The following CNPY1 variants were observed in gnomAD, a reference collection of about 807,000 sequenced individuals.
CNPY1 encodes canopy FGF signaling regulator 1, also known as protein canopy homolog 1.
A neutral mutation model predicts 14.4 loss-of-function variants in CNPY1; 14 were observed. The ratio of observed to expected loss-of-function variants is 0.97; its 90% CI spans 0.64 to 1.52. The LOEUF (loss-of-function observed/expected upper bound fraction) is 1.52. Among genes scored for constraint, CNPY1 ranks in the 40% most tolerant of loss-of-function variants. The probability of loss-of-function intolerance (pLI) is 0.00; values close to 1 mark genes in which losing one functional copy is unlikely to be tolerated. For missense variants in CNPY1, 129 were observed against 131.5 expected, an observed-to-expected ratio of 0.98 and a Z score of 0.09; for synonymous variants, 43 against 46.5, an observed-to-expected ratio of 0.92 and a Z score of 0.31.
intron 2 of CNPY1, among the ~76,000 whole-genome samples, chr7:155,542,060 T>G (rs1014444670): frequency 6.6e-6 from 1 of 152,112 alleles, no homozygotes; most frequent in Non-Finnish European, 1.5e-5. Context: ...GGCAGAAGTC[T>G]GCTGGGAAAA....
At chr7:155,523,887 C>A (rs1287331045) in intron 2 of CNPY1, among the ~76,000 whole-genome samples, 1 of 152,050 alleles carries the variant, frequency 6.6e-6, no homozygotes, top group Non-Finnish European at 1.5e-5. Flanking sequence ...GGTAAGAGAC[C>A]CAGACCACAC....
At chr7:155,506,326 A>C (rs2116666570) in intron 4 of CNPY1, among the ~76,000 whole-genome samples, 1 of 152,334 alleles carries the variant, frequency 6.6e-6, no homozygotes, top group South Asian at 2.1e-4. Context: ...CAAGCATCCA[A>C]GTTAGGGGAC....
intron 2 of CNPY1, among the ~76,000 whole-genome samples, chr7:155,538,611 C>G (rs922145551): frequency 6.6e-6 from 1 of 152,328 alleles, no homozygotes; most frequent in South Asian, 2.1e-4. Context: ...CCACTTGCCC[C>G]GCAGTTGGTC....
At chr7:155,540,643 G>A (rs530169284) in intron 2 of CNPY1, among the ~76,000 whole-genome samples, 3 of 152,318 alleles carry the variant, frequency 2.0e-5, no homozygotes, top group African/African-American at 7.2e-5. Context: ...GGCAGAGGAC[G>A]CCCCTGAGCT....
At chr7:155,526,837 T>C (rs1014393674) in intron 2 of CNPY1, among the ~76,000 whole-genome samples, 1 of 152,170 alleles carries the variant, frequency 6.6e-6, no homozygotes, top group Admixed American at 6.5e-5. Flanking sequence ...AAAATGTTCC[T>C]ACCTTTGACC....
chr7:155,511,465 C>T (rs1796530281), intron 2 of CNPY1, among the ~76,000 whole-genome samples: 1 of 152,172 alleles, frequency 6.6e-6, no homozygotes, highest in Non-Finnish European at 1.5e-5. Context: ...CTAGGTTGCA[C>T]CTTTTGGAAA....
intron 2 of CNPY1, among the ~76,000 whole-genome samples, chr7:155,515,305 C>CGA (rs1344040144): frequency 3.5e-5 from 5 of 143,324 alleles, no homozygotes; most frequent in South Asian, 2.4e-4. Context: ...CCCCCCCCCC[C>CGA]CCCGGCCCCG....
chr7:155,512,092 T>A (rs1167955204), intron 2 of CNPY1, among the ~76,000 whole-genome samples: 4 of 152,154 alleles, frequency 2.6e-5, no homozygotes, highest in Non-Finnish European at 5.9e-5. Context: ...AGATTTTGAA[T>A]AGTACTTGTC....
intron 2 of CNPY1, among the ~76,000 whole-genome samples, chr7:155,541,052 T>C (rs1797078448): frequency 6.6e-6 from 1 of 152,256 alleles, no homozygotes; most frequent in Non-Finnish European, 1.5e-5. Context: ...GACGAGGCTT[T>C]GTGCCAGTGT....
intron 2 of CNPY1, 109 bp from the exon 3 acceptor site, chr7:155,509,206 T>G (rs1266772727): frequency 1.7e-6 from 1 of 602,546 alleles, no homozygotes; most frequent in African/African-American, 1.9e-5. Flanking sequence ...TGCAAACGTG[T>G]GCCACTTCCC....
intron 2 of CNPY1, among the ~76,000 whole-genome samples, chr7:155,522,338 G>A (rs925404173): frequency 6.6e-6 from 1 of 152,382 alleles, no homozygotes; most frequent in Non-Finnish European, 1.5e-5. Context: ...GTCACGCCAG[G>A]CCATGTCTCT....
At position 155,507,151 on chromosome 7, in the gene CNPY1, C is replaced by G. The variant is rs535482078; in HGVS notation, c.304-35G>C. ...CATAATAACAACATATGTGGATAGA[C>G]GCACACTGGCGGGGCACTTTGTTAG... On this transcript the variant is annotated intron_variant, in intron 3 of 4. Coordinates refer to ENST00000636446, the MANE Select transcript of CNPY1 (RefSeq NM_001393663.1). 8 of 1,311,066 alleles carry G rather than the reference C, an allele frequency of 6.1e-6. No homozygotes were observed. In the South Asian group the frequency reaches 9.4e-5, roughly 15 times the overall value. The allele number at this position is 1,311,066 out of a possible 1,614,324, so 81.2% of individuals were successfully genotyped here.
At position 155,502,255 on chromosome 7, in the gene CNPY1, A is replaced by G. The variant is rs1796139280; in HGVS notation, c.*813T>C. On this transcript the variant is annotated 3_prime_UTR_variant, in exon 5 of 5. Coordinates refer to ENST00000636446, the MANE Select transcript of CNPY1 (RefSeq NM_001393663.1). ...TTCCATTCCTGTAGAAGAATGGTAG[A>G]TTATTTAGTAGTAAACTCAACACAC... 6.6e-6 allele frequency: 1 copy of G among 151,774 alleles called. No individual in the cohort carries two copies. Among genetic ancestry groups the G allele is most frequent in the Admixed American group, 6.6e-5 (1 of 15,238 alleles). The allele number at this position is 151,774 out of a possible 1,614,324, so 9.4% of individuals were successfully genotyped here.
At position 155,502,885 on chromosome 7, in the gene CNPY1, A is replaced by C. The variant is rs1006804367; in HGVS notation, c.*183T>G. 57 of 547,732 alleles carry C rather than the reference A, an allele frequency of 1.0e-4. No individual in the cohort carries two copies. The highest frequency in any genetic ancestry group is 2.8e-4 in the East Asian group (10 of 35,644). 33.9% of individuals were successfully genotyped at this position (547,732 alleles called of 1,614,324 possible). ...TACTCCTCAGCTTCACCTATAAAAAAACGCAGGGTTTGTCATGATGTCAAC... is the reference window on the plus strand; with the variant it reads ...TACTCCTCAGCTTCACCTATAAAAACACGCAGGGTTTGTCATGATGTCAAC... On this transcript the variant is annotated 3_prime_UTR_variant, in exon 5 of 5. Transcript: ENST00000636446.
At chr7:155,540,846 C>T (rs1370981193) in intron 2 of CNPY1, among the ~76,000 whole-genome samples, 1 of 152,184 alleles carries the variant, frequency 6.6e-6, no homozygotes, top group Non-Finnish European at 1.5e-5. Context: ...TGCATGCGTA[C>T]CCTCATTCGG....
intron 2 of CNPY1, among the ~76,000 whole-genome samples, chr7:155,539,655 G>T (rs1049572339): frequency 2.0e-5 from 3 of 152,188 alleles, no homozygotes; most frequent in African/African-American, 4.8e-5. Flanking sequence ...CCCTGTGAAG[G>T]CTTGCTGAAA....
At chr7:155,514,834 C>T (rs144647544) in intron 2 of CNPY1, among the ~76,000 whole-genome samples, 2,238 of 152,092 alleles carry the variant, frequency 0.015, 53 homozygotes, top group African/African-American at 0.052. Context: ...GTGGAGGTTG[C>T]GGTGAGCCGA....
At chr7:155,540,996 G>A (rs1436160127) in intron 2 of CNPY1, among the ~76,000 whole-genome samples, 1 of 152,228 alleles carries the variant, frequency 6.6e-6, no homozygotes, top group Non-Finnish European at 1.5e-5. Flanking sequence ...ATAAATAATA[G>A]GGAAATAACC....
chr7:155,530,670 C>T (rs774018608), intron 2 of CNPY1, among the ~76,000 whole-genome samples: 58 of 152,218 alleles, frequency 3.8e-4, no homozygotes, highest in Non-Finnish European at 8.1e-4. Context: ...ACAGCCACAA[C>T]TTCCTCTAAA....
Sources: gnomAD v4.1 joint callset for allele counts (sites outside exome capture counted in the v4.1 genomes callset) on GRCh38, gnomAD v4.1.1 for gene constraint, MANE v1.5 for transcripts, NCBI Gene and HGNC (gene_info 2026-07-23, HGNC 2026-07-21) for gene names.